TNFSF11: variants seen among roughly 807,000 people sequenced by gnomAD.
The protein encoded by TNFSF11 is tumor necrosis factor ligand superfamily member 11.
A neutral mutation model predicts 32.2 loss-of-function variants in TNFSF11; 12 were observed. The ratio of observed to expected loss-of-function variants is 0.37; its 90% CI spans 0.24 to 0.60. The LOEUF is 0.60. TNFSF11 is among the 20% of genes least tolerant of loss of function. TNFSF11 has a pLI of 0.66. For missense variants in TNFSF11, 345 were observed against 398.0 expected (o/e 0.87, Z 1.13); for synonymous variants, 172 against 152.1 (o/e 1.13, Z -0.96).
chr13:42,589,695 C>A (rs528941462), intron 2 of TNFSF11, among the ~76,000 whole-genome samples: 2 of 152,316 alleles, frequency 1.3e-5, no homozygotes, highest in South Asian at 4.1e-4. Context: ...CCTGGCCATA[C>A]CCTTTCGCCT....
chr13:42,568,450 T>C (rs1872944961), intron 2 of TNFSF11, among the ~76,000 whole-genome samples: 1 of 152,254 alleles, frequency 6.6e-6, no homozygotes. Context: ...TCCAGAAGAC[T>C]GCCAACATAA....
intron 1 of TNFSF11, among the ~76,000 whole-genome samples, chr13:42,574,797 C>T (rs1216103488): frequency 6.6e-6 from 1 of 152,216 alleles, no homozygotes; most frequent in Non-Finnish European, 1.5e-5. Context: ...TGAATCTCAC[C>T]CCGTCCCTTC....
chr13:42,565,513 G>A (rs1872839223), intron 1 of TNFSF11, among the ~76,000 whole-genome samples: 1 of 152,044 alleles, frequency 6.6e-6, no homozygotes, highest in Non-Finnish European at 1.5e-5. Context: ...CCAGACTCAT[G>A]GTTGGTATGC....
upstream of TNFSF11, among the ~76,000 whole-genome samples, chr13:42,569,511 G>A (rs546999443): frequency 2.0e-4 from 29 of 148,326 alleles, no homozygotes; most frequent in Non-Finnish European, 3.6e-4. Flanking sequence ...TTGCGCCACT[G>A]CACTCCAGCC....
In TNFSF11 at chr13:42,607,966, T is replaced by C. The variant is rs1869557880; in HGVS notation, c.*1048T>C. The C allele has an allele frequency of 1.3e-5, 2 of 152,772 alleles. No homozygotes were observed. The highest frequency in any genetic ancestry group is 4.8e-5 in the African/African-American group (2 of 41,454). 9.5% of individuals were successfully genotyped at this position (152,772 alleles called of 1,614,324 possible). A position where few individuals can be genotyped will look rare whatever the true frequency, so the allele number is the denominator to read the frequency against. ...ATACTGTACAATAAAAACATTGCCT[T>C]TGAATGTTAATTTTTTGGTACAAAA... On this transcript the variant is annotated 3_prime_UTR_variant, in exon 5 of 5. Coordinates refer to ENST00000398795, the MANE Select transcript of TNFSF11 (RefSeq NM_003701.4).
chr13:42,604,324 G>A (rs9566995), intron 4 of TNFSF11, among the ~76,000 whole-genome samples: 2,091 of 152,288 alleles, frequency 0.014, 16 homozygotes, highest in South Asian at 0.046. Context: ...CTCACTTGGG[G>A]CCAGATGATG....
chr13:42,581,084 A>T (rs1426872731), intron 1 of TNFSF11, 42 bp from the exon 2 acceptor site: 1 of 1,606,538 alleles, frequency 6.2e-7, no homozygotes, highest in Admixed American at 1.7e-5. Context: ...CAGGATGACT[A>T]GTGATAAGCA....
At chr13:42,574,110 C>T (rs1873174002), upstream of TNFSF11, 2 of 650,998 alleles carry the variant, frequency 3.1e-6, no homozygotes, top group South Asian at 3.9e-5. Flanking sequence ...GAGGCCAGGG[C>T]TCTCCAAGCG....
intron 4 of TNFSF11, among the ~76,000 whole-genome samples, chr13:42,603,844 T>C (rs1869306930): frequency 6.6e-6 from 1 of 152,226 alleles, no homozygotes; most frequent in African/African-American, 2.4e-5. Flanking sequence ...TAATTCTTAA[T>C]TACGGGCAGA....
At chr13:42,604,679 TTCTC>T (rs755048213) in intron 4 of TNFSF11, among the ~76,000 whole-genome samples, 32 of 152,196 alleles carry the variant, frequency 2.1e-4, no homozygotes, top group Non-Finnish European at 2.8e-4. Flanking sequence ...TTGTAGAACA[TTCTC>T]TATCTTGTGG....
At chr13:42,568,280 G>T (rs1023373540) in intron 2 of TNFSF11, among the ~76,000 whole-genome samples, 1 of 152,174 alleles carries the variant, frequency 6.6e-6, no homozygotes, top group Admixed American at 6.5e-5. Flanking sequence ...TTAAATTCCT[G>T]TGTTACTCTT....
At position 42,574,269 on chromosome 13, in the gene TNFSF11, G is replaced by A. The variant is rs1036827858; in HGVS notation, c.-35G>A. 9 of 1,544,508 alleles carry A rather than the reference G, an allele frequency of 5.8e-6. No individual in the cohort carries two copies. Among genetic ancestry groups the A allele is most frequent in the Non-Finnish European group, 7.9e-6 (9 of 1,144,542 alleles). On this transcript the variant is annotated 5_prime_UTR_variant, in exon 1 of 5. Coordinates refer to ENST00000398795, the MANE Select transcript of TNFSF11 (RefSeq NM_003701.4). ...GACAAGAAGGGGAGGGAGCGGGAGA[G>A]GGAGGAGAGCTCCGAAGCGAGAGGG...
At chr13:42,598,894 C>T (rs1317568986) in intron 2 of TNFSF11, among the ~76,000 whole-genome samples, 1 of 152,166 alleles carries the variant, frequency 6.6e-6, no homozygotes, top group East Asian at 1.9e-4. Context: ...AGAAATTAGG[C>T]ACCATTGAGA....
At chr13:42,571,778 C>G (rs1873077752), upstream of TNFSF11, 1 of 152,170 alleles carries the variant, frequency 6.6e-6, no homozygotes, top group Admixed American at 6.5e-5. Context: ...AGAAGAAAAT[C>G]CTGATCAGTG....
At chr13:42,583,448 A>AAAAG (rs1873730080) in intron 2 of TNFSF11, among the ~76,000 whole-genome samples, 2 of 107,756 alleles carry the variant, frequency 1.9e-5, no homozygotes, top group Non-Finnish European at 3.8e-5. Flanking sequence ...AGAAAGGAAG[A>AAAAG]AAGGAAGGAA....
chr13:42,569,485 T>G (rs1217233085), upstream of TNFSF11, among the ~76,000 whole-genome samples: 1 of 151,126 alleles, frequency 6.6e-6, no homozygotes, highest in Non-Finnish European at 1.5e-5. Context: ...GAGGAGGAGC[T>G]TGCAGTGAGC....
chr13:42,606,596 A>G lies in TNFSF11; in HGVS notation c.632A>G (p.Asp211Gly). ...AATGGAAAACTAATAGTTAATCAGG[A>G]TGGCTTTTATTACCTGTATGCCAAC... is the stretch of plus-strand genomic sequence containing the variant. ...FSNGKLIVNQ[D>G]GFYYLYANIC... is the part of the protein sequence containing the mutation. The change falls in exon 5 of 5, where the codon GAT (aspartate) becomes GGT (glycine). Residue 211 changes from aspartate (D) to glycine (G), a missense_variant. Asp to Gly is a moderately conservative substitution (Grantham distance 94). Transcript: ENST00000398795. 1 of 1,614,224 alleles carries G rather than the reference A, an allele frequency of 6.2e-7. No individual in the cohort carries two copies.
chr13:42,581,379 T>C (rs1446768279), intron 2 of TNFSF11, 86 bp downstream of exon 2: 18 of 1,408,212 alleles, frequency 1.3e-5, no homozygotes, highest in Non-Finnish European at 1.7e-5. Flanking sequence ...TGCTGTTGAC[T>C]CTGCTCTTTT....
At chr13:42,565,285 G>A (rs1239059732) in intron 1 of TNFSF11, among the ~76,000 whole-genome samples, 2 of 151,476 alleles carry the variant, frequency 1.3e-5, no homozygotes, top group East Asian at 3.9e-4. Flanking sequence ...TTATGGTAAT[G>A]CCATGGTCTA....
Sources: gnomAD v4.1 joint callset for allele counts (sites outside exome capture counted in the v4.1 genomes callset) on GRCh38, gnomAD v4.1.1 for gene constraint, MANE v1.5 for transcripts, NCBI Gene and HGNC (gene_info 2026-07-23, HGNC 2026-07-21) for gene names.